Variants in GLIS3 observed in about 807,000 individuals in gnomAD.
GLIS3 encodes the protein GLIS family zinc finger 3.
Under a neutral mutation model 78.6 loss-of-function variants are expected in GLIS3, and 53 were observed. The ratio of observed to expected loss-of-function variants is 0.67; its 90% CI spans 0.54 to 0.85. GLIS3 has a LOEUF of 0.85. Among genes scored for constraint, GLIS3 ranks in the 40% least tolerant of loss-of-function variants. The pLI is 0.00. For missense variants in GLIS3, 1,703 were observed against 1,231.1 expected, an observed-to-expected ratio of 1.38 and a Z score of -5.74; for synonymous variants, 684 against 509.9, an observed-to-expected ratio of 1.34 and a Z score of -4.60.
chr9:4,443,655 G>C, the GLIS3 span, among the ~76,000 whole-genome samples: 3 of 152,188 alleles, frequency 2.0e-5, no homozygotes, highest in African/African-American at 7.2e-5. Context: ...ACAGCTGTTA[G>C]AGAAATCACT....
the GLIS3 span, among the ~76,000 whole-genome samples, chr9:4,374,260 C>G: frequency 1.3e-5 from 2 of 152,230 alleles, no homozygotes; most frequent in African/African-American, 4.8e-5. Context: ...CTCCCCTTCT[C>G]TGAAGCAATG....
At chr9:4,066,041 A>T (rs1312565692) in intron 4 of GLIS3, among the ~76,000 whole-genome samples, 21 of 142,316 alleles carry the variant, frequency 1.5e-4, no homozygotes, top group African/African-American at 3.8e-4. Context: ...AAAGAATATA[A>T]AAAAAAAAAA....
At chr9:3,928,955 G>A (rs1390156064) in intron 6 of GLIS3, among the ~76,000 whole-genome samples, 3 of 152,218 alleles carry the variant, frequency 2.0e-5, no homozygotes. Flanking sequence ...AAACCCTCCT[G>A]CTTATGGCAC....
chr9:4,351,159 C>G (rs1371721605), upstream of GLIS3, among the ~76,000 whole-genome samples: 1 of 152,090 alleles, frequency 6.6e-6, no homozygotes, highest in African/African-American at 2.4e-5. Flanking sequence ...TGGAGAATTG[C>G]TTGAACACAG....
intron 4 of GLIS3, among the ~76,000 whole-genome samples, chr9:3,963,509 G>A (rs1041587777): frequency 2.6e-5 from 4 of 152,082 alleles, no homozygotes; most frequent in Non-Finnish European, 4.4e-5. Flanking sequence ...TTGGCCAAGT[G>A]GCTTCCCATC....
At chr9:4,443,090 T>C in the GLIS3 span, among the ~76,000 whole-genome samples, 1 of 152,152 alleles carries the variant, frequency 6.6e-6, no homozygotes, top group Non-Finnish European at 1.5e-5. Context: ...CCATCCTTAA[T>C]CTTCCTTTAT....
At chr9:4,082,776 G>A (rs753229601) in intron 4 of GLIS3, among the ~76,000 whole-genome samples, 10 of 152,100 alleles carry the variant, frequency 6.6e-5, no homozygotes, top group Non-Finnish European at 1.5e-4. Flanking sequence ...TGCATATTCT[G>A]GAAACACAAT....
chr9:4,324,895 C>A (rs1817579522), intron 2 of GLIS3, among the ~76,000 whole-genome samples: 1 of 152,202 alleles, frequency 6.6e-6, no homozygotes, highest in African/African-American at 2.4e-5. Context: ...TATACCCCTA[C>A]AACCTTAGGT....
At chr9:3,992,396 G>T (rs1431439971) in intron 4 of GLIS3, among the ~76,000 whole-genome samples, 1 of 152,310 alleles carries the variant, frequency 6.6e-6, no homozygotes. Context: ...GGGCAATAAA[G>T]AAATGTGTTT....
chr9:4,322,913 T>A (rs1817555076), intron 2 of GLIS3, among the ~76,000 whole-genome samples: 2 of 152,228 alleles, frequency 1.3e-5, no homozygotes, highest in Admixed American at 1.3e-4. Flanking sequence ...CTCTTTAGTT[T>A]AATGAGATCC....
At chr9:3,829,582 G>C in intron 9 of GLIS3, 90 bp from the exon 10 acceptor site, 2 of 1,373,526 alleles carry the variant, frequency 1.5e-6, no homozygotes, top group Admixed American at 3.5e-5. Flanking sequence ...ACTCAGCCTG[G>C]CTTCCTAAGA....
intron 2 of GLIS3, among the ~76,000 whole-genome samples, chr9:4,139,495 A>AG (rs1274223225): frequency 6.6e-6 from 1 of 152,198 alleles, no homozygotes; most frequent in Admixed American, 6.5e-5. Context: ...TAAATTACTC[A>AG]ACAGACAGAA....
intron 2 of GLIS3, among the ~76,000 whole-genome samples, chr9:4,345,211 T>C (rs766589660): frequency 1.3e-5 from 2 of 152,192 alleles, no homozygotes; most frequent in Non-Finnish European, 1.5e-5. Flanking sequence ...CCTCGTTTCC[T>C]ACCTTTGCCC....
chr9:4,021,387 C>T (rs548609531), intron 4 of GLIS3, among the ~76,000 whole-genome samples: 1 of 152,214 alleles, frequency 6.6e-6, no homozygotes, highest in South Asian at 2.1e-4. Flanking sequence ...CTATCCTAAT[C>T]AAACTTAGCT....
chr9:4,284,185 T>C (rs183396101), intron 2 of GLIS3, among the ~76,000 whole-genome samples: 368 of 152,336 alleles, frequency 2.4e-3, no homozygotes, highest in African/African-American at 8.6e-3. Flanking sequence ...CCTTATCAGT[T>C]AAATAACCAT....
chr9:3,883,816 T>C (rs1038309432), intron 7 of GLIS3, among the ~76,000 whole-genome samples: 22 of 152,174 alleles, frequency 1.4e-4, no homozygotes, highest in African/African-American at 4.6e-4. Context: ...GAGGAACATA[T>C]TGGAAATTCT....
At chr9:4,338,535 G>A (rs1587393560) in intron 2 of GLIS3, among the ~76,000 whole-genome samples, 1 of 152,126 alleles carries the variant, frequency 6.6e-6, no homozygotes, top group African/African-American at 2.4e-5. Flanking sequence ...GTCAATGACT[G>A]TATAGGGCCC....
chr9:4,475,147 C>T, the GLIS3 span, among the ~76,000 whole-genome samples: 4 of 152,028 alleles, frequency 2.6e-5, no homozygotes, highest in African/African-American at 9.6e-5. Flanking sequence ...GCGTGAGCCA[C>T]CGCACCTGGC....
At chr9:4,379,969 C>T in the GLIS3 span, among the ~76,000 whole-genome samples, 1 of 13,574 alleles carries the variant, frequency 7.4e-5, no homozygotes, top group Admixed American at 1.3e-3. Flanking sequence ...GTGAAAGACC[C>T]CCAGGAGGAC....
Sources: allele counts gnomAD v4.1 joint callset (sites outside exome capture counted in the v4.1 genomes callset), GRCh38; gene constraint gnomAD v4.1.1; transcripts MANE v1.5; gene names NCBI Gene and HGNC (gene_info 2026-07-23, HGNC 2026-07-21).